SLC25A26: variants seen among roughly 807,000 people sequenced by gnomAD.
SLC25A26 encodes mitochondrial S-adenosylmethionine carrier protein.
In SLC25A26, 36 loss-of-function variants were observed where a neutral mutation model predicts 37.8. That is an observed-to-expected ratio of 0.95 (90% CI 0.73 to 1.26). The LOEUF (loss-of-function observed/expected upper bound fraction) is 1.26. Among genes scored for constraint, SLC25A26 ranks in the 50% most tolerant of loss-of-function variants. The probability of loss-of-function intolerance (pLI) is 0.00; values close to 1 mark genes in which losing one functional copy is unlikely to be tolerated. For synonymous variants in SLC25A26, 129 were observed against 122.5 expected (o/e 1.05, Z -0.35); for missense variants, 390 against 331.1 (o/e 1.18, Z -1.38).
At chr3:66,320,226 G>C (rs1449274097) in intron 5 of SLC25A26, among the ~76,000 whole-genome samples, 1 of 152,066 alleles carries the variant, frequency 6.6e-6, no homozygotes, top group African/African-American at 2.4e-5. Context: ...CATCACTCCA[G>C]ATACAAACTC....
At chr3:66,187,246 C>A (rs936074019) in intron 1 of SLC25A26, among the ~76,000 whole-genome samples, 5 of 151,764 alleles carry the variant, frequency 3.3e-5, no homozygotes, top group Non-Finnish European at 7.4e-5. Context: ...GTGATCTTCA[C>A]CTTCACCTTG....
rs2070350754 is a variant in SLC25A26 at position 66,160,989 on chromosome 3, A to G, written c.-354+27005A>G. Among the ~76,000 whole-genome samples, 3 of 152,254 alleles carry G rather than the reference A, an allele frequency of 2.0e-5. No individual in the cohort carries two copies. In the South Asian group the frequency reaches 6.2e-4, roughly 32 times the overall value. ...TAGCTGACAGAGTTTACAAAACTGA[A>G]TGTATTCAAGAGCTCTTCATTTTCT... On this transcript the variant is annotated intron_variant, in intron 1 of 10. Transcript: ENST00000676754.
intron 3 of SLC25A26, among the ~76,000 whole-genome samples, chr3:66,249,188 T>C (rs928724193): frequency 6.6e-6 from 1 of 152,186 alleles, no homozygotes; most frequent in African/African-American, 2.4e-5. Flanking sequence ...CTCAGACATG[T>C]AGATTTGGAT....
chr3:66,327,539 ATT>A (rs2075868424), intron 5 of SLC25A26, among the ~76,000 whole-genome samples: 1 of 152,178 alleles, frequency 6.6e-6, no homozygotes, highest in South Asian at 2.1e-4. Flanking sequence ...AAAATAATTC[ATT>A]TGTTATATTT....
intron 6 of SLC25A26, among the ~76,000 whole-genome samples, chr3:66,347,734 T>A (rs1283959351): frequency 6.6e-6 from 1 of 152,124 alleles, no homozygotes; most frequent in Admixed American, 6.5e-5. Flanking sequence ...CAAATGCCCA[T>A]CAATGATAGA....
chr3:66,153,085 G>A (rs2070229396), intron 1 of SLC25A26, among the ~76,000 whole-genome samples: 1 of 152,126 alleles, frequency 6.6e-6, no homozygotes, highest in South Asian at 2.1e-4. Flanking sequence ...CCAGAGGAGG[G>A]GATTTTCTGT....
At chr3:66,162,603 A>C (rs987197009) in intron 1 of SLC25A26, among the ~76,000 whole-genome samples, 3 of 152,158 alleles carry the variant, frequency 2.0e-5, no homozygotes, top group African/African-American at 7.2e-5. Context: ...TGAATCATGG[A>C]GGTCTTTGTC....
intron 8 of SLC25A26, 112 bp downstream of exon 8, chr3:66,369,654 T>TAAGATGCTATTA: frequency 3.4e-6 from 3 of 888,238 alleles, no homozygotes; most frequent in Non-Finnish European, 5.3e-6. Context: ...TGTAATAGCA[T>TAAGATGCTATTA]CTTATGCTGC....
rs36147154 is a variant in SLC25A26, at chr3:66,170,791, G to GTTTTTTTT, written c.-354+36830_-354+36837dup. ...CAAACATTTAATAGATGTGATTATT[G>GTTTTTTTT]TTTTTTTTTTTTTTTTTTTTTTTTT... is the stretch of plus-strand genomic sequence containing the variant. On this transcript the variant is annotated intron_variant, in intron 1 of 10. Coordinates refer to the SLC25A26 transcript ENST00000676754. Among the ~76,000 whole-genome samples the GTTTTTTTT allele has an allele frequency of 3.7e-3, 189 of 50,922 alleles. 14 individuals are homozygous for GTTTTTTTT. The highest frequency in any genetic ancestry group is 4.3e-3 in the Non-Finnish European group (123 of 28,362). The allele number at this position is 50,922 out of a possible 152,430, so 33.4% of individuals were successfully genotyped here.
At chr3:66,331,566 G>A (rs1307012177) in intron 5 of SLC25A26, among the ~76,000 whole-genome samples, 1 of 152,036 alleles carries the variant, frequency 6.6e-6, no homozygotes, top group Admixed American at 6.6e-5. Context: ...TTCTTCATGT[G>A]TCATATAGTT....
chr3:66,284,936 A>T (rs1036094141), intron 5 of SLC25A26, among the ~76,000 whole-genome samples: 5 of 152,206 alleles, frequency 3.3e-5, no homozygotes, highest in Non-Finnish European at 7.4e-5. Context: ...AAGAGTTAAA[A>T]ATCAGATTAA....
intron 2 of SLC25A26, among the ~76,000 whole-genome samples, chr3:66,237,852 C>G (rs1372184355): frequency 6.6e-6 from 1 of 152,156 alleles, no homozygotes; most frequent in African/African-American, 2.4e-5. Context: ...CAGGATGATT[C>G]ATGAGAATTT....
chr3:66,190,085 G>A (rs1358050948), intron 1 of SLC25A26, among the ~76,000 whole-genome samples: 3 of 152,210 alleles, frequency 2.0e-5, no homozygotes, highest in East Asian at 1.9e-4. Flanking sequence ...GCCGAGGCAG[G>A]TGGATTGCTT....
At chr3:66,170,844 C>T (rs552308766) in intron 1 of SLC25A26, among the ~76,000 whole-genome samples, 1 of 134,806 alleles carries the variant, frequency 7.4e-6, no homozygotes. Context: ...CGCTCTGTCG[C>T]CCAGGCTGGA....
At chr3:66,244,235 C>G (rs1338614088) in intron 3 of SLC25A26, among the ~76,000 whole-genome samples, 1 of 152,082 alleles carries the variant, frequency 6.6e-6, no homozygotes, top group African/African-American at 2.4e-5. Context: ...AGGCAAAAAA[C>G]AAAGAGACCA....
In SLC25A26 at chr3:66,366,857, G is replaced by A. The variant is rs531065913; in HGVS notation, c.569-2621G>A. On this transcript the variant is annotated intron_variant, in intron 7 of 9. Coordinates refer to ENST00000354883, the MANE Select transcript of SLC25A26 (RefSeq NM_001379210.1). Reference sequence around the variant, plus strand: ...CATACATGTGACAGTCCCAGGTCCCGCACCAGCTGTGTGGCCTGGGCAAGT... The same window carrying A: ...CATACATGTGACAGTCCCAGGTCCCACACCAGCTGTGTGGCCTGGGCAAGT... Among the ~76,000 whole-genome samples the A allele has an allele frequency of 3.3e-5, 5 of 152,268 alleles. No individual in the cohort carries two copies. In the East Asian group the frequency reaches 9.6e-4, roughly 29 times the overall value.
intron 1 of SLC25A26, among the ~76,000 whole-genome samples, chr3:66,208,552 C>G (rs1338916751): frequency 2.6e-5 from 4 of 151,314 alleles, no homozygotes; most frequent in African/African-American, 9.7e-5. Context: ...GGGACCCTCC[C>G]TGTAGCAGAG....
chr3:66,209,040 G>GTATGTATATATATATA (rs1325838750), intron 1 of SLC25A26, among the ~76,000 whole-genome samples: 9 of 33,482 alleles, frequency 2.7e-4, no homozygotes, highest in Admixed American at 8.2e-4. Flanking sequence ...ATATAAAGGT[G>GTATGTATATATATATA]TATATATATA....
chr3:66,289,528 G>C (rs1323316215), intron 5 of SLC25A26, among the ~76,000 whole-genome samples: 1 of 152,136 alleles, frequency 6.6e-6, no homozygotes, highest in Non-Finnish European at 1.5e-5. Context: ...TCCATTTTGA[G>C]TTTTCTGCTT....
Sources: gnomAD v4.1 joint callset for allele counts (sites outside exome capture counted in the v4.1 genomes callset) on GRCh38, gnomAD v4.1.1 for gene constraint, MANE v1.5 for transcripts, NCBI Gene and HGNC (gene_info 2026-07-23, HGNC 2026-07-21) for gene names.